The following CSMD1 variants were observed in gnomAD, a reference collection of about 807,000 sequenced individuals.
The protein encoded by CSMD1 is CUB and sushi domain-containing protein 1.
A neutral mutation model predicts 417.5 loss-of-function variants in CSMD1; 213 were observed. The observed-to-expected ratio is 0.51, with a 90% CI of 0.46 to 0.57. The LOEUF (loss-of-function observed/expected upper bound fraction) is 0.57. CSMD1 is among the 20% of genes least tolerant of loss of function. The pLI, the probability that CSMD1 is intolerant of heterozygous loss-of-function variation, is 0.00. For missense variants in CSMD1, 6,923 were observed against 4,529.7 expected, an observed-to-expected ratio of 1.53 and a Z score of -15.17; for synonymous variants, 2,862 against 1,736.8, an observed-to-expected ratio of 1.65 and a Z score of -16.11.
intron 3 of CSMD1, among the ~76,000 whole-genome samples, chr8:4,303,213 C>G (rs914936978): frequency 1.3e-5 from 2 of 152,084 alleles, no homozygotes; most frequent in Admixed American, 6.6e-5. Flanking sequence ...CATCTGTTAA[C>G]AGAGGCATCA....
At chr8:3,512,956 G>A (rs913323378) in intron 10 of CSMD1, among the ~76,000 whole-genome samples, 1 of 152,050 alleles carries the variant, frequency 6.6e-6, no homozygotes, top group African/African-American at 2.4e-5. Context: ...GCCACAGATA[G>A]CAAAAATATA....
chr8:3,981,407 G>C lies in CSMD1; in HGVS notation c.818+16496C>G, dbSNP rs373141744. On this transcript the variant is annotated intron_variant, in intron 5 of 69. Coordinates refer to ENST00000635120, the MANE Select transcript of CSMD1 (RefSeq NM_033225.6). ...ATATGGTGCAGTGTATACTGCTTAG[G>C]TGATGGGTGCACCAGGATCTCACAA... 2.1e-4 allele frequency among the ~76,000 whole-genome samples: 32 copies of C among 150,292 alleles called. No individual in the cohort carries two copies. In the East Asian group the frequency reaches 2.8e-3, roughly 13 times the overall value.
intron 2 of CSMD1, among the ~76,000 whole-genome samples, chr8:4,448,550 C>G (rs1053573915): frequency 6.6e-6 from 1 of 152,106 alleles, no homozygotes; most frequent in Non-Finnish European, 1.5e-5. Context: ...TGGGAACATC[C>G]TTTGAAATCT....
At chr8:3,082,462 C>G (rs1183164125) in intron 49 of CSMD1, among the ~76,000 whole-genome samples, 2 of 152,156 alleles carry the variant, frequency 1.3e-5, no homozygotes, top group Non-Finnish European at 2.9e-5. Flanking sequence ...GCTACTCCCG[C>G]CGGATGACTA....
intron 3 of CSMD1, among the ~76,000 whole-genome samples, chr8:4,396,644 AAT>A (rs753732715): frequency 3.4e-4 from 51 of 148,292 alleles, no homozygotes; most frequent in Non-Finnish European, 5.4e-4. Context: ...CACACACATA[AAT>A]ATCTATATAT....
At chr8:4,184,166 G>A (rs929064851) in intron 3 of CSMD1, among the ~76,000 whole-genome samples, 15 of 152,062 alleles carry the variant, frequency 9.9e-5, no homozygotes, top group African/African-American at 3.6e-4. Flanking sequence ...GAAAGAAAAA[G>A]CAATGGAAAT....
At chr8:3,961,072 C>G (rs1280639835) in intron 5 of CSMD1, among the ~76,000 whole-genome samples, 1 of 151,932 alleles carries the variant, frequency 6.6e-6, no homozygotes, top group Non-Finnish European at 1.5e-5. Context: ...CAAAATTGAA[C>G]ATGAACAAAC....
chr8:3,392,059 G>C (rs572309946), intron 17 of CSMD1, among the ~76,000 whole-genome samples: 1 of 139,984 alleles, frequency 7.1e-6, no homozygotes, highest in Non-Finnish European at 1.5e-5. Context: ...TGAACAATGA[G>C]AACAAATGGA....
chr8:3,919,205 A>T (rs1284524861), intron 5 of CSMD1, among the ~76,000 whole-genome samples: 1 of 148,702 alleles, frequency 6.7e-6, no homozygotes, highest in Admixed American at 6.7e-5. Flanking sequence ...AAAAAAAAAA[A>T]AAAAAGAAAG....
chr8:4,267,934 CAT>C (rs1804323286), intron 3 of CSMD1, among the ~76,000 whole-genome samples: 1 of 152,012 alleles, frequency 6.6e-6, no homozygotes, highest in African/African-American at 2.4e-5. Flanking sequence ...ATTCATGCCT[CAT>C]ATATATTCAA....
At chr8:3,255,034 T>C (rs1205484258) in intron 26 of CSMD1, among the ~76,000 whole-genome samples, 1 of 152,194 alleles carries the variant, frequency 6.6e-6, no homozygotes, top group Admixed American at 6.5e-5. Context: ...GATGGTGATG[T>C]ACAGATGGGG....
At chr8:3,242,218 G>A (rs1442494960) in intron 26 of CSMD1, among the ~76,000 whole-genome samples, 3 of 151,888 alleles carry the variant, frequency 2.0e-5, no homozygotes, top group African/African-American at 7.3e-5. Flanking sequence ...GGTGTGAGGA[G>A]GGGAGGTGAT....
At chr8:4,373,176 G>A (rs895729895) in intron 3 of CSMD1, among the ~76,000 whole-genome samples, 1 of 152,114 alleles carries the variant, frequency 6.6e-6, no homozygotes, top group Non-Finnish European at 1.5e-5. Flanking sequence ...CCCCTTGACC[G>A]GTGCTGCTCC....
intron 5 of CSMD1, among the ~76,000 whole-genome samples, chr8:3,958,946 C>G (rs937872877): frequency 7.9e-5 from 12 of 152,156 alleles, no homozygotes; most frequent in African/African-American, 2.9e-4. Flanking sequence ...TTTTTGAGCC[C>G]TGACCTTGGC....
At chr8:3,243,958 G>T (rs375510948) in intron 26 of CSMD1, among the ~76,000 whole-genome samples, 1 of 152,136 alleles carries the variant, frequency 6.6e-6, no homozygotes, top group Non-Finnish European at 1.5e-5. Context: ...CGAGGTATTA[G>T]TTCATAGAAG....
intron 3 of CSMD1, among the ~76,000 whole-genome samples, chr8:4,380,116 T>C (rs2128918170): frequency 6.6e-6 from 1 of 152,310 alleles, no homozygotes; most frequent in African/African-American, 2.4e-5. Flanking sequence ...AACAAATTCC[T>C]TGTGTTGAAT....
At chr8:4,204,459 G>A (rs1010274623) in intron 3 of CSMD1, among the ~76,000 whole-genome samples, 1 of 152,074 alleles carries the variant, frequency 6.6e-6, no homozygotes, top group African/African-American at 2.4e-5. Flanking sequence ...ATGAACACCT[G>A]AGATTTTGTC....
chr8:3,311,157 C>G (rs758380111), intron 23 of CSMD1, among the ~76,000 whole-genome samples: 1 of 152,162 alleles, frequency 6.6e-6, no homozygotes, highest in Non-Finnish European at 1.5e-5. Flanking sequence ...AGGACAGTTA[C>G]CTTGGCCTAT....
intron 1 of CSMD1, among the ~76,000 whole-genome samples, chr8:4,699,538 T>A (rs542076548): frequency 1.1e-4 from 16 of 152,336 alleles, no homozygotes; most frequent in Non-Finnish European, 1.8e-4. Flanking sequence ...CTTTTCTGTC[T>A]TATTAACTCT....
Sources: allele counts gnomAD v4.1 joint callset (sites outside exome capture counted in the v4.1 genomes callset), GRCh38; gene constraint gnomAD v4.1.1; transcripts MANE v1.5; gene names NCBI Gene and HGNC (gene_info 2026-07-23, HGNC 2026-07-21).